PKIB: variants seen among roughly 807,000 people sequenced by gnomAD.
PKIB encodes PKI-beta.
A neutral mutation model predicts 4.5 loss-of-function variants in PKIB; 2 were observed. The ratio of observed to expected loss-of-function variants is 0.44; its 90% confidence interval spans 0.18 to 1.39. The LOEUF (loss-of-function observed/expected upper bound fraction) is 1.39, where lower values mean the gene tolerates loss of function less well. PKIB is among the 40% of genes most tolerant of loss of function. The pLI is 0.27. For missense variants in PKIB, 94 were observed against 92.6 expected, an observed-to-expected ratio of 1.02 and a Z score of -0.06; for synonymous variants, 38 against 36.0, an observed-to-expected ratio of 1.06 and a Z score of -0.20.
chr6:122,472,488 T>C (rs575550349), intron 1 of PKIB, among the ~76,000 whole-genome samples: 1 of 152,336 alleles, frequency 6.6e-6, no homozygotes, highest in East Asian at 1.9e-4. Flanking sequence ...TTGAGGCATG[T>C]GGAACCCTTG....
intron 2 of PKIB, among the ~76,000 whole-genome samples, chr6:122,488,065 T>C (rs945259051): frequency 6.6e-6 from 1 of 152,198 alleles, no homozygotes; most frequent in Admixed American, 6.5e-5. Flanking sequence ...CAGTAATTAT[T>C]TACCCATTCA....
intron 3 of PKIB, among the ~76,000 whole-genome samples, chr6:122,692,814 G>A (rs978277292): frequency 2.6e-5 from 4 of 152,210 alleles, no homozygotes; most frequent in African/African-American, 9.6e-5. Context: ...CCTCATCTGG[G>A]CTACCTTATT....
intron 2 of PKIB, among the ~76,000 whole-genome samples, chr6:122,517,616 T>TA (rs1159896280): frequency 6.6e-6 from 1 of 152,204 alleles, no homozygotes; most frequent in Admixed American, 6.5e-5. Flanking sequence ...TGGTGGCACT[T>TA]ACAGCTGCAG....
intron 2 of PKIB, among the ~76,000 whole-genome samples, chr6:122,541,153 CTT>C (rs1317795263): frequency 6.6e-6 from 1 of 151,830 alleles, no homozygotes; most frequent in African/African-American, 2.4e-5. Flanking sequence ...CAGTCTGTGT[CTT>C]TTAATTGGAG....
chr6:122,652,350 A>T (rs1338408910), intron 2 of PKIB, among the ~76,000 whole-genome samples: 1 of 151,132 alleles, frequency 6.6e-6, no homozygotes, highest in African/African-American at 2.4e-5. Context: ...AGAGAGATTT[A>T]TTGAAAAGAA....
intron 2 of PKIB, among the ~76,000 whole-genome samples, chr6:122,541,368 G>C (rs992215565): frequency 9.9e-5 from 15 of 151,708 alleles, no homozygotes; most frequent in Non-Finnish European, 2.9e-5. Context: ...GCTCTTTTAG[G>C]GCAGGCCTGG....
chr6:122,500,014 G>A (rs998335274), intron 2 of PKIB, among the ~76,000 whole-genome samples: 1 of 152,076 alleles, frequency 6.6e-6, no homozygotes, highest in African/African-American at 2.4e-5. Flanking sequence ...TATCTACAAG[G>A]AAAACTATGA....
chr6:122,715,416 G>A (rs1263834705), intron 3 of PKIB, among the ~76,000 whole-genome samples: 1 of 151,870 alleles, frequency 6.6e-6, no homozygotes, highest in Non-Finnish European at 1.5e-5. Flanking sequence ...GTGAATTGGT[G>A]GAGGACAGAG....
chr6:122,591,203 C>CAA (rs1774010150), intron 3 of PKIB, among the ~76,000 whole-genome samples: 1 of 148,342 alleles, frequency 6.7e-6, no homozygotes, highest in South Asian at 2.2e-4. Flanking sequence ...TCGACACACA[C>CAA]ACACACACAC....
intron 1 of PKIB, among the ~76,000 whole-genome samples, chr6:122,620,795 T>A (rs1035622000): frequency 6.6e-6 from 1 of 152,246 alleles, no homozygotes; most frequent in African/African-American, 2.4e-5. Flanking sequence ...TTAGGATTTT[T>A]AAAAATTGAA....
chr6:122,706,012 C>T (rs1482863034), intron 3 of PKIB, among the ~76,000 whole-genome samples: 3 of 152,114 alleles, frequency 2.0e-5, no homozygotes, highest in Non-Finnish European at 2.9e-5. Flanking sequence ...TTTCCAACTC[C>T]ACGTGGGCAT....
intron 3 of PKIB, among the ~76,000 whole-genome samples, chr6:122,675,585 T>C (rs544577595): frequency 1.3e-5 from 2 of 152,100 alleles, no homozygotes; most frequent in Non-Finnish European, 2.9e-5. Context: ...GAATTTTTTT[T>C]AAAAATCAAA....
chr6:122,532,658 GTT>G (rs1777293969), intron 2 of PKIB, among the ~76,000 whole-genome samples: 1 of 152,144 alleles, frequency 6.6e-6, no homozygotes, highest in African/African-American at 2.4e-5. Context: ...CTACCATAAT[GTT>G]TTAAAGGTTT....
At chr6:122,507,820 GT>G (rs990936486) in intron 2 of PKIB, among the ~76,000 whole-genome samples, 1 of 151,148 alleles carries the variant, frequency 6.6e-6, no homozygotes, top group African/African-American at 2.4e-5. Flanking sequence ...TTGTTTTTGA[GT>G]TTTTTTTACC....
intron 3 of PKIB, among the ~76,000 whole-genome samples, chr6:122,589,505 A>C (rs1351833725): frequency 6.6e-6 from 1 of 152,168 alleles, no homozygotes; most frequent in Non-Finnish European, 1.5e-5. Flanking sequence ...GGTGGCTGTC[A>C]AAGGTGATTT....
chr6:122,473,829 G>A (rs948141099), intron 1 of PKIB, among the ~76,000 whole-genome samples: 3 of 152,160 alleles, frequency 2.0e-5, no homozygotes, highest in African/African-American at 4.8e-5. Context: ...AAGTAAGTAC[G>A]TTAGTAAAAA....
At chr6:122,496,576 C>G (rs1776082327) in intron 2 of PKIB, among the ~76,000 whole-genome samples, 1 of 152,044 alleles carries the variant, frequency 6.6e-6, no homozygotes, top group African/African-American at 2.4e-5. Context: ...TTAAGAAATT[C>G]TAAAATACAA....
At chr6:122,605,237 C>T (rs1425427020), upstream of PKIB, among the ~76,000 whole-genome samples, 1 of 152,192 alleles carries the variant, frequency 6.6e-6, no homozygotes, top group East Asian at 1.9e-4. Context: ...TTGGAATTCT[C>T]TCACATCATC....
intron 2 of PKIB, among the ~76,000 whole-genome samples, chr6:122,509,738 G>A (rs1776528643): frequency 6.6e-6 from 1 of 152,064 alleles, no homozygotes; most frequent in Non-Finnish European, 1.5e-5. Context: ...GCTTAAAATT[G>A]TCATTTGATC....
Sources: gnomAD v4.1 joint callset for allele counts (sites outside exome capture counted in the v4.1 genomes callset) on GRCh38, gnomAD v4.1.1 for gene constraint, MANE v1.5 for transcripts, NCBI Gene and HGNC (gene_info 2026-07-23, HGNC 2026-07-21) for gene names.